The following UGT1A4 variants were observed in gnomAD, a reference collection of about 807,000 sequenced individuals.
UGT1A4 encodes UDP-glucuronosyltransferase 1A4.
Under a neutral mutation model 41.1 loss-of-function variants are expected in UGT1A4, and 32 were observed. The ratio of observed to expected loss-of-function variants is 0.78; its 90% CI spans 0.59 to 1.05. The LOEUF (loss-of-function observed/expected upper bound fraction) is 1.05, where lower values mean the gene tolerates loss of function less well. Ranked by LOEUF, UGT1A4 falls within the 50% of genes least tolerant of loss-of-function variation. UGT1A4 has a pLI of 0.00. For synonymous variants in UGT1A4, 283 were observed against 265.1 expected, an observed-to-expected ratio of 1.07 and a Z score of -0.66; for missense variants, 748 against 677.4, an observed-to-expected ratio of 1.10 and a Z score of -1.16.
In UGT1A4 at chr2:233,748,516, C is replaced by T. The variant is rs60390282; in HGVS notation, c.868-18518C>T. On this transcript the variant is annotated intron_variant, in intron 1 of 4. Transcript: ENST00000373409. ...GATAATTTTTAGTGGTCCTGTCTTGCGAATGATAGAGAGGTGACCACAGGA... is the reference window on the plus strand; with the variant it reads ...GATAATTTTTAGTGGTCCTGTCTTGTGAATGATAGAGAGGTGACCACAGGA... Among the ~76,000 whole-genome samples, 169 of 151,786 alleles carry T rather than the reference C, an allele frequency of 1.1e-3. 1 individual carries two copies. Among genetic ancestry groups the T allele is most frequent in the African/African-American group, 4.1e-3 (168 of 41,150 alleles).
intron 1 of UGT1A4, chr2:233,721,895 C>A: frequency 2.1e-6 from 1 of 474,970 alleles, no homozygotes; most frequent in Non-Finnish European, 4.2e-6. Context: ...ATTGCAATAT[C>A]GAAATGGTGC....
At chr2:233,759,502 A>G (rs1487597943) in intron 1 of UGT1A4, among the ~76,000 whole-genome samples, 1 of 152,052 alleles carries the variant, frequency 6.6e-6, no homozygotes, top group Non-Finnish European at 1.5e-5. Flanking sequence ...GGTTCACACT[A>G]ATAAAGGCCT....
chr2:233,769,821 C>T lies in UGT1A4; in HGVS notation c.1307+1382C>T, dbSNP rs1699946575. 1.3e-6 allele frequency: 1 copy of T among 784,900 alleles called. No homozygotes were observed. 48.6% of individuals were successfully genotyped at this position (784,900 alleles called of 1,614,324 possible). A position where few individuals can be genotyped will look rare whatever the true frequency, so the allele number is the denominator to read the frequency against. The stretch of plus-strand genomic sequence containing the variant: ...TATGAGCCGTGATCATGCCACTGCA[C>T]TCCAGCAACCTGGGCAACAGAGTGA... On this transcript the variant is annotated intron_variant, in intron 4 of 4. Transcript: ENST00000373409. The surrounding 1 kb of genome is among the most constrained non-coding windows in gnomAD (Gnocchi z 4.4).
intron 1 of UGT1A4, chr2:233,747,421 AAC>A: frequency 1.9e-6 from 3 of 1,607,992 alleles, no homozygotes; most frequent in Non-Finnish European, 2.6e-6. Flanking sequence ...ATGCACATCA[AAC>A]AAGAGAAATT....
intron 1 of UGT1A4, chr2:233,747,139 T>C: frequency 6.4e-7 from 1 of 1,552,428 alleles, no homozygotes; most frequent in East Asian, 2.3e-5. Flanking sequence ...AGTGACAAGG[T>C]AATTAAGATG....
intron 1 of UGT1A4, among the ~76,000 whole-genome samples, chr2:233,764,026 T>C (rs980223655): frequency 5.3e-5 from 8 of 152,158 alleles, no homozygotes; most frequent in African/African-American, 1.9e-4. Flanking sequence ...GGTGTCTAAG[T>C]GCTAAAGAAG....
chr2:233,760,535 T>G (rs1425697704), intron 1 of UGT1A4: 1 of 1,614,120 alleles, frequency 6.2e-7, no homozygotes, highest in African/African-American at 1.3e-5. Context: ...CCTGTGCCAT[T>G]CCAAAGGGAG....
Position 233,772,460 on chromosome 2 carries a change from A to C in UGT1A4, c.1506A>C (p.Thr502=), listed in dbSNP as rs1435465707. Residue 502 remains threonine (T), a synonymous_variant, in exon 5 of 5, where the codon ACA becomes ACC. Transcript: ENST00000373409. The part of the protein sequence containing the change: ...VIGFLLAVVL[T]VAFITFKCCA... Reference sequence around the variant, plus strand: ...GTTTCCTCTTGGCCGTCGTGCTGACAGTGGCCTTCATCACCTTTAAATGTT... The same window carrying C: ...GTTTCCTCTTGGCCGTCGTGCTGACCGTGGCCTTCATCACCTTTAAATGTT... 6.2e-7 allele frequency: 1 copy of C among 1,614,184 alleles called. No individual in the cohort carries two copies. Among genetic ancestry groups the C allele is most frequent in the Non-Finnish European group, 8.5e-7 (1 of 1,180,034 alleles).
chr2:233,758,754 A>T (rs888171679), intron 1 of UGT1A4, among the ~76,000 whole-genome samples: 16 of 152,250 alleles, frequency 1.1e-4, no homozygotes, highest in Middle Eastern at 6.8e-3. Flanking sequence ...CTGGCCAGTG[A>T]TGTGTATGGT....
intron 1 of UGT1A4, among the ~76,000 whole-genome samples, chr2:233,735,271 G>A (rs1195301760): frequency 1.3e-5 from 2 of 152,034 alleles, no homozygotes; most frequent in Non-Finnish European, 2.9e-5. Context: ...TTATGTAATG[G>A]CCTTCTTTGT....
chr2:233,747,267 C>T (rs1178293466), intron 1 of UGT1A4: 115 of 1,599,414 alleles, frequency 7.2e-5, no homozygotes, highest in Non-Finnish European at 9.0e-5. Flanking sequence ...GAGTGCTACT[C>T]CTTCTCAGTG....
rs375974892 is a variant in UGT1A4 at position 233,760,864 on chromosome 2, G to A, written c.868-6170G>A. The A allele has an allele frequency of 8.0e-5, 129 of 1,613,862 alleles. No individual in the cohort carries two copies. Among genetic ancestry groups the A allele is most frequent in the Non-Finnish European group, 9.2e-5 (109 of 1,179,976 alleles). ...CCAGTGCCCCAACCCATTCTCCTAC[G>A]TGCCCAGGCCTCTCTCCTCTCATTC... is the stretch of plus-strand genomic sequence containing the variant. On this transcript the variant is annotated intron_variant, in intron 1 of 4. Coordinates refer to ENST00000373409, the MANE Select transcript of UGT1A4 (RefSeq NM_007120.3).
intron 1 of UGT1A4, chr2:233,755,206 C>T (rs1478561208): frequency 9.3e-7 from 1 of 1,072,996 alleles, no homozygotes; most frequent in Non-Finnish European, 1.3e-6. Flanking sequence ...TTGCGGTACG[C>T]CTTCTTGATA....
chr2:233,753,085 C>T (rs1365560580), intron 1 of UGT1A4: 1 of 152,188 alleles, frequency 6.6e-6, no homozygotes, highest in Non-Finnish European at 1.5e-5. Flanking sequence ...CCTTTTATTC[C>T]TGAACGGCTC....
At chr2:233,743,824 G>C (rs757559777) in intron 1 of UGT1A4, 1 of 1,367,262 alleles carries the variant, frequency 7.3e-7, no homozygotes, top group Non-Finnish European at 9.8e-7. Flanking sequence ...TTTTGTCGGG[G>C]TGCCACTTGA....
rs576733843 is a variant in UGT1A4 at position 233,754,931 on chromosome 2, G to A, written c.868-12103G>A. ...TATTCTCCAGCGGGTTTCCCAAGAG[G>A]TCAAAGGAGAATGGGTCCCGGCCGC... On this transcript the variant is annotated intron_variant, in intron 1 of 4. Transcript: ENST00000373409. 20 of 1,344,540 alleles carry A rather than the reference G, an allele frequency of 1.5e-5. No homozygotes were observed. The African/African-American group carries it at 2.2e-4, about 15-fold the overall frequency. The allele number at this position is 1,344,540 out of a possible 1,614,324, so 83.3% of individuals were successfully genotyped here. A position where few individuals can be genotyped will look rare whatever the true frequency, so the allele number is the denominator to read the frequency against.
chr2:233,736,069 TTGGGAAGTTCTCC>T (rs1429776969), intron 1 of UGT1A4, among the ~76,000 whole-genome samples: 1 of 152,194 alleles, frequency 6.6e-6, no homozygotes, highest in African/African-American at 2.4e-5. Flanking sequence ...CTTGCTAGGT[TTGGGAAGTTCTCC>T]TGGATAATAT....
At chr2:233,757,644 C>A (rs1202656622) in intron 1 of UGT1A4, among the ~76,000 whole-genome samples, 2 of 149,758 alleles carry the variant, frequency 1.3e-5, no homozygotes, top group African/African-American at 4.9e-5. Flanking sequence ...GAACAAAATG[C>A]TGTTTTTCTG....
At chr2:233,744,478 A>C (rs921058584) in intron 1 of UGT1A4, among the ~76,000 whole-genome samples, 8 of 152,046 alleles carry the variant, frequency 5.3e-5, no homozygotes, top group South Asian at 2.1e-4. Context: ...AAGACATATT[A>C]ATTGGGCAAT....
Sources: allele counts gnomAD v4.1 joint callset (sites outside exome capture counted in the v4.1 genomes callset), GRCh38; gene constraint gnomAD v4.1.1; non-coding constraint Gnocchi (gnomAD v3.1); transcripts MANE v1.5; gene names NCBI Gene and HGNC (gene_info 2026-07-23, HGNC 2026-07-21).